The following KIAA0825 variants were observed in gnomAD, a reference collection of about 807,000 sequenced individuals.
The protein encoded by KIAA0825 is uncharacterized protein KIAA0825.
In KIAA0825, 119 loss-of-function variants were observed where a neutral mutation model predicts 147.6. The ratio of observed to expected loss-of-function variants is 0.81; its 90% CI spans 0.69 to 0.94. KIAA0825 has a LOEUF of 0.94. Among genes scored for constraint, KIAA0825 ranks in the 40% least tolerant of loss-of-function variants. The pLI is 0.00. For missense variants in KIAA0825, 1,381 were observed against 1,472.7 expected, an observed-to-expected ratio of 0.94 and a Z score of 1.02; for synonymous variants, 470 against 518.1, an observed-to-expected ratio of 0.91 and a Z score of 1.26.
chr5:94,449,455 A>C (rs1249769624), intron 13 of KIAA0825, among the ~76,000 whole-genome samples: 2 of 152,204 alleles, frequency 1.3e-5, no homozygotes, highest in Non-Finnish European at 2.9e-5. Context: ...ACAATAATAA[A>C]CTAGGACTAG....
intron 3 of KIAA0825, among the ~76,000 whole-genome samples, chr5:94,532,243 G>T (rs908360161): frequency 1.3e-5 from 2 of 152,050 alleles, no homozygotes; most frequent in African/African-American, 4.8e-5. Flanking sequence ...CACCTCCCAG[G>T]CTCAAGCGAT....
intron 13 of KIAA0825, among the ~76,000 whole-genome samples, chr5:94,449,957 G>T (rs1195616372): frequency 1.3e-5 from 2 of 152,032 alleles, no homozygotes; most frequent in Non-Finnish European, 2.9e-5. Flanking sequence ...GCACGTGCCT[G>T]TAATCCCAGC....
intron 1 of KIAA0825, among the ~76,000 whole-genome samples, chr5:94,585,624 A>C (rs995064731): frequency 6.6e-6 from 1 of 152,192 alleles, no homozygotes; most frequent in African/African-American, 2.4e-5. Context: ...AATATTAGAC[A>C]GATCAACGAG....
chr5:94,543,479 A>T (rs936095052), intron 2 of KIAA0825, among the ~76,000 whole-genome samples: 1 of 152,082 alleles, frequency 6.6e-6, no homozygotes, highest in Non-Finnish European at 1.5e-5. Flanking sequence ...AAAATAAAAT[A>T]AAAAAGGCTT....
intron 15 of KIAA0825, 90 bp downstream of exon 15, chr5:94,417,111 A>T (rs927074965): frequency 8.1e-7 from 1 of 1,231,226 alleles, no homozygotes; most frequent in Admixed American, 2.1e-5. Flanking sequence ...GATTCAGCAA[A>T]ACCAGTATCA....
At chr5:94,329,542 A>G (rs999384414) in intron 20 of KIAA0825, among the ~76,000 whole-genome samples, 1 of 152,180 alleles carries the variant, frequency 6.6e-6, no homozygotes, top group Non-Finnish European at 1.5e-5. Context: ...TTTGAAATGT[A>G]GAGTTCTGGT....
intron 3 of KIAA0825, among the ~76,000 whole-genome samples, chr5:94,535,407 G>T (rs1188280919): frequency 6.7e-6 from 1 of 149,762 alleles, no homozygotes; most frequent in South Asian, 2.1e-4. Context: ...CTTCTTGAGA[G>T]GCTAAGGCAC....
chr5:94,560,319 C>A (rs1001152167), intron 2 of KIAA0825, among the ~76,000 whole-genome samples: 1 of 152,130 alleles, frequency 6.6e-6, no homozygotes, highest in Non-Finnish European at 1.5e-5. Context: ...TTTCAGCAAA[C>A]CTTCAGAGGG....
Position 94,403,712 on chromosome 5 carries a change from T to A in KIAA0825, c.2744A>T (p.Gln915Leu), listed in dbSNP as rs1403210972. ...ALTDAIKDTV[Q>L]QIVSVMSSRR... ...AGAACTCATTACAGATACTATCTGC[T>A]GTACAGTGTCCTTGATGGCATCGGT... The change falls in exon 16 of 21, where the codon CAG (glutamine) becomes CTG (leucine). Residue 915 changes from glutamine (Q) to leucine (L), a missense_variant. Physicochemically the swap from Gln to Leu is moderately radical, Grantham distance 113 (BLOSUM62 -2). Transcript: ENST00000682413. 6.4e-7 allele frequency: 1 copy of A among 1,551,606 alleles called. No individual in the cohort carries two copies. Among genetic ancestry groups the A allele is most frequent in the Admixed American group, 2.0e-5 (1 of 50,998 alleles).
chr5:94,589,788 T>C (rs2152387680), intron 1 of KIAA0825, among the ~76,000 whole-genome samples: 1 of 151,700 alleles, frequency 6.6e-6, no homozygotes, highest in Admixed American at 6.6e-5. Context: ...CATGCACAAA[T>C]AATGAGCTTT....
chr5:94,396,009 CT>C, intron 17 of KIAA0825, 91 bp downstream of exon 17: 1 of 1,184,490 alleles, frequency 8.4e-7, no homozygotes, highest in East Asian at 2.8e-5. Context: ...AATACTACTG[CT>C]GCCCATCTGA....
intron 13 of KIAA0825, among the ~76,000 whole-genome samples, chr5:94,444,670 A>G (rs1757513602): frequency 6.6e-6 from 1 of 152,116 alleles, no homozygotes. Flanking sequence ...TTGCAGATTC[A>G]GAAATATCTG....
Position 94,255,707 on chromosome 5 carries a change from C to CTTTTTTTTTTT in KIAA0825, c.3711-101594_3711-101584dup, listed in dbSNP as rs57646287. Among the ~76,000 whole-genome samples the CTTTTTTTTTTT allele has an allele frequency of 1.3e-4, 6 of 47,816 alleles. 1 individual carries two copies. The highest frequency in any genetic ancestry group is 1.9e-4 in the Non-Finnish European group (5 of 26,300). The allele number at this position is 47,816 out of a possible 152,430, so 31.4% of individuals were successfully genotyped here. A position where few individuals can be genotyped will look rare whatever the true frequency, so the allele number is the denominator to read the frequency against. ...TACTTAGAACTTTTCAGAATTATGG[C>CTTTTTTTTTTT]TTTTTTTTTTTTTTTTTTTTTTTTT... is the stretch of plus-strand genomic sequence containing the variant. On this transcript the variant is annotated intron_variant, in intron 20 of 20. Transcript: ENST00000682413.
chr5:94,308,627 T>A (rs1778895093), intron 20 of KIAA0825, among the ~76,000 whole-genome samples: 1 of 151,796 alleles, frequency 6.6e-6, no homozygotes, highest in Admixed American at 6.6e-5. Context: ...TAAAATGAGA[T>A]TGTTGATGAT....
rs535303807 is a variant in KIAA0825 at position 94,446,895 on chromosome 5, T to C, written c.2357+6064A>G. ...ACTGGAGTAGTTAAGAGAGAGATGA[T>C]GGTAGTTGAGACTAAGGTGAAACTG... On this transcript the variant is annotated intron_variant, in intron 13 of 20. Coordinates refer to ENST00000682413, the MANE Select transcript of KIAA0825 (RefSeq NM_001145678.3). Among the ~76,000 whole-genome samples the C allele has an allele frequency of 3.5e-4, 53 of 152,214 alleles. 1 individual carries two copies. Among genetic ancestry groups the C allele is most frequent in the African/African-American group, 9.6e-4 (40 of 41,548 alleles).
chr5:94,601,960 A>AACC (rs1786543029), intron 1 of KIAA0825, among the ~76,000 whole-genome samples: 1 of 152,254 alleles, frequency 6.6e-6, no homozygotes, highest in African/African-American at 2.4e-5. Context: ...ACCAATTTGG[A>AACC]AAACATATTT....
chr5:94,521,609 T>C (rs1221662072), intron 4 of KIAA0825, among the ~76,000 whole-genome samples: 1 of 151,704 alleles, frequency 6.6e-6, no homozygotes, highest in African/African-American at 2.4e-5. Context: ...AAAGATACCC[T>C]CAGAATTATT....
At chr5:94,209,140 G>A (rs1772473599) in intron 20 of KIAA0825, among the ~76,000 whole-genome samples, 2 of 152,196 alleles carry the variant, frequency 1.3e-5, no homozygotes, top group African/African-American at 2.4e-5. Flanking sequence ...AAGTTTTCAT[G>A]TTTTTGCTCA....
At chr5:94,313,364 T>G (rs1352383065) in intron 20 of KIAA0825, among the ~76,000 whole-genome samples, 1 of 151,712 alleles carries the variant, frequency 6.6e-6, no homozygotes, top group Admixed American at 6.6e-5. Context: ...CCTAGTTATT[T>G]GTTAAAAACC....
Sources: gnomAD v4.1 joint callset for allele counts (sites outside exome capture counted in the v4.1 genomes callset) on GRCh38, gnomAD v4.1.1 for gene constraint, MANE v1.5 for transcripts, NCBI Gene and HGNC (gene_info 2026-07-23, HGNC 2026-07-21) for gene names.